The following SMG1 variants were observed in gnomAD, a reference collection of about 807,000 sequenced individuals.
The protein encoded by SMG1 is SMG1 nonsense mediated mRNA decay associated PI3K related kinase.
In SMG1, 22 loss-of-function variants were observed where a neutral mutation model predicts 419.9. The observed-to-expected ratio is 0.05, with a 90% CI of 0.04 to 0.07. The LOEUF (loss-of-function observed/expected upper bound fraction) is 0.07, where lower values mean the gene tolerates loss of function less well. SMG1 is among the 10% of genes least tolerant of loss of function. The probability of loss-of-function intolerance (pLI) is 1.00; values close to 1 mark genes in which losing one functional copy is unlikely to be tolerated. For missense variants in SMG1, 3,185 were observed against 4,342.0 expected, an observed-to-expected ratio of 0.73 and a Z score of 7.49; for synonymous variants, 1,538 against 1,553.5, an observed-to-expected ratio of 0.99 and a Z score of 0.23.
At chr16:18,921,008 T>G (rs576195548) in intron 1 of SMG1, among the ~76,000 whole-genome samples, 1 of 151,974 alleles carries the variant, frequency 6.6e-6, no homozygotes, top group African/African-American at 2.4e-5. Context: ...CATAGTGGCA[T>G]GTACCTGTAT....
At chr16:18,903,427 CG>C (rs1400589321) in intron 1 of SMG1, among the ~76,000 whole-genome samples, 3 of 152,152 alleles carry the variant, frequency 2.0e-5, no homozygotes, top group Non-Finnish European at 2.9e-5. Flanking sequence ...TTTCCCTCAC[CG>C]GGTTTCTTTC....
rs2038408649 is a variant in SMG1, at chr16:18,926,296, G to A, written c.-255C>T. The A allele has an allele frequency of 2.0e-6, 1 of 504,144 alleles. No homozygotes were observed. The highest frequency in any genetic ancestry group is 3.5e-6 in the Non-Finnish European group (1 of 288,122). The allele number at this position is 504,144 out of a possible 1,614,324, so 31.2% of individuals were successfully genotyped here. On this transcript the variant is annotated 5_prime_UTR_variant, in exon 1 of 63. Coordinates refer to ENST00000446231, the MANE Select transcript of SMG1 (RefSeq NM_015092.5). The stretch of plus-strand genomic sequence containing the variant: ...CGCGGTGAGAGAGAGGCGGATGAAG[G>A]GGAGGCGACGTCTTTTCCAGGGCCG...
Position 18,853,937 on chromosome 16 carries a change from G to C in SMG1, c.4484-70C>G, listed in dbSNP as rs1365338027. The stretch of plus-strand genomic sequence containing the variant: ...ATGATGGAGGGAGGCACTTGGATTA[G>C]GAAACAAATATCAACATGGTGATGA... On this transcript the variant is annotated intron_variant, in intron 30 of 62. Transcript: ENST00000446231. 5.8e-6 allele frequency: 8 copies of C among 1,389,704 alleles called. No individual in the cohort carries two copies. In the East Asian group the frequency reaches 7.2e-5, roughly 13 times the overall value. 86.1% of individuals were successfully genotyped at this position (1,389,704 alleles called of 1,614,324 possible).
intron 9 of SMG1, among the ~76,000 whole-genome samples, chr16:18,882,752 T>C (rs1161760626): frequency 6.6e-6 from 1 of 152,174 alleles, no homozygotes; most frequent in Non-Finnish European, 1.5e-5. Flanking sequence ...ACCAAGAGCA[T>C]GCACATGAAG....
chr16:18,868,987 T>G (rs1000438192), intron 20 of SMG1, 117 bp downstream of exon 20: 8 of 883,752 alleles, frequency 9.1e-6, no homozygotes, highest in Non-Finnish European at 1.4e-5. Flanking sequence ...TACCTGAAAA[T>G]TATTGACTTT....
intron 1 of SMG1, among the ~76,000 whole-genome samples, chr16:18,922,206 A>T (rs1490628651): frequency 6.6e-6 from 1 of 152,240 alleles, no homozygotes; most frequent in Admixed American, 6.5e-5. Context: ...GTCTTGATTG[A>T]TACTAGAAGA....
chr16:18,870,003 A>G lies in SMG1; in HGVS notation c.2493-9T>C. On this transcript the variant is annotated splice_polypyrimidine_tract_variant and intron_variant, in intron 18 of 62. Coordinates refer to ENST00000446231, the MANE Select transcript of SMG1 (RefSeq NM_015092.5). ...CTGTGTGATTGTTATTGCTGTAGAC[A>G]GAAAATAAAGTTGTTATGCAAAATA... 6.6e-7 allele frequency: 1 copy of G among 1,524,392 alleles called. No individual in the cohort carries two copies. The highest frequency in any genetic ancestry group is 1.4e-5 in the African/African-American group (1 of 72,470). 94.4% of individuals were successfully genotyped at this position (1,524,392 alleles called of 1,614,324 possible).
intron 54 of SMG1, 28 bp from the exon 55 acceptor site, chr16:18,828,196 A>C: frequency 1.2e-6 from 2 of 1,607,436 alleles, no homozygotes; most frequent in Non-Finnish European, 1.7e-6. Flanking sequence ...AATGTATTAA[A>C]ATCAGCAGGA....
At chr16:18,864,486 C>A (rs1567389077) in intron 23 of SMG1, among the ~76,000 whole-genome samples, 2 of 152,084 alleles carry the variant, frequency 1.3e-5, no homozygotes, top group African/African-American at 4.8e-5. Flanking sequence ...GCATGAGCCA[C>A]CGCGCCTGGC....
chr16:18,829,548 C>A lies in SMG1; in HGVS notation c.9341G>T (p.Gly3114Val). The A allele has an allele frequency of 1.2e-6, 2 of 1,614,022 alleles. No homozygotes were observed. The highest frequency in any genetic ancestry group is 1.7e-6 in the Non-Finnish European group (2 of 1,179,892). ...CTCTACTTGAGCAATGATGTCTACA[C>A]CCAGAGCACTGATAAAACTGCACAG... Reference protein sequence around the residue: ...LTLCSFISALGVDIIAQVEAK... With the variant: ...LTLCSFISALVVDIIAQVEAK... The change falls in exon 54 of 63, where the codon GGT becomes GTT. Residue 3114 changes from glycine to valine, a missense_variant. Gly to Val is a moderately radical substitution (Grantham distance 109). This residue lies in a region of SMG1 where 737 missense variants were observed against 846.6 expected (regional missense o/e 0.87). Coordinates refer to ENST00000446231, the MANE Select transcript of SMG1 (RefSeq NM_015092.5).
chr16:18,896,295 T>C lies in SMG1; in HGVS notation c.257-88A>G, dbSNP rs2037124240. On this transcript the variant is annotated intron_variant, in intron 2 of 62. Transcript: ENST00000446231. ...GATAGCTCAGGATCTTATTACTCAATCTGCAGCTCAACCAGCCTTTGCTTC... is the reference window on the plus strand; with the variant it reads ...GATAGCTCAGGATCTTATTACTCAACCTGCAGCTCAACCAGCCTTTGCTTC... 4.8e-6 allele frequency: 6 copies of C among 1,256,792 alleles called. No individual in the cohort carries two copies. The Admixed American group carries it at 6.9e-5, about 14-fold the overall frequency. 77.9% of individuals were successfully genotyped at this position (1,256,792 alleles called of 1,614,324 possible).
chr16:18,904,415 A>G (rs1221092938), intron 1 of SMG1, among the ~76,000 whole-genome samples: 7 of 151,642 alleles, frequency 4.6e-5, no homozygotes, highest in Non-Finnish European at 1.0e-4. Flanking sequence ...CAGGCAGATC[A>G]TAAGGTCAGG....
At chr16:18,830,422 TGGGAAC>T in intron 51 of SMG1, 53 bp from the exon 52 acceptor site, 2 of 1,582,746 alleles carry the variant, frequency 1.3e-6, no homozygotes, top group Non-Finnish European at 1.7e-6. Context: ...ATGCCTTTGG[TGGGAAC>T]ATACAAAGTC....
rs1187327138 is a variant in SMG1 at position 18,866,675 on chromosome 16, A to C, written c.3296T>G (p.Ile1099Ser). ...IQGIAVWSSS[I>S]VGKNLLWINS... ...AATCCACAGAAGATTTTTTCCAACAATAGATGATGACCAGACAGCAATTCC... is the reference window on the plus strand; with the variant it reads ...AATCCACAGAAGATTTTTTCCAACACTAGATGATGACCAGACAGCAATTCC... The change falls in exon 23 of 63, where the codon ATT becomes AGT. Residue 1099 changes from isoleucine (I) to serine (S), a missense_variant. Coordinates refer to ENST00000446231, the MANE Select transcript of SMG1 (RefSeq NM_015092.5). 3 of 1,595,068 alleles carry C rather than the reference A, an allele frequency of 1.9e-6. No individual in the cohort carries two copies. The South Asian group carries it at 3.3e-5, about 18-fold the overall frequency.
chr16:18,811,920 T>C, intron 61 of SMG1, 28 bp downstream of exon 61: 1 of 1,612,686 alleles, frequency 6.2e-7, no homozygotes, highest in Non-Finnish European at 8.5e-7. Context: ...ATATAAAAAT[T>C]TAAGGCATCT....
chr16:18,819,733 A>T (rs1382254703), intron 55 of SMG1, 79 bp from the exon 56 acceptor site: 2 of 1,357,180 alleles, frequency 1.5e-6, no homozygotes, highest in African/African-American at 3.0e-5. Flanking sequence ...ATATAACACA[A>T]TAAAGATTCA....
rs1198898301 is a variant in SMG1, at chr16:18,834,821, A to G, written c.8330+71T>C. 9 of 1,506,080 alleles carry G rather than the reference A, an allele frequency of 6.0e-6. No homozygotes were observed. In the Admixed American group the frequency reaches 1.7e-4, roughly 28 times the overall value. The allele number at this position is 1,506,080 out of a possible 1,614,324, so 93.3% of individuals were successfully genotyped here. A position where few individuals can be genotyped will look rare whatever the true frequency, so the allele number is the denominator to read the frequency against. On this transcript the variant is annotated intron_variant, in intron 49 of 62. Transcript: ENST00000446231. ...ACACTTGGCAAGACTAAGGAAAGTA[A>G]AAGAACATTTTAGGTTTGGGATTAA...
chr16:18,816,903 T>C (rs2032049474), intron 57 of SMG1, among the ~76,000 whole-genome samples: 1 of 152,164 alleles, frequency 6.6e-6, no homozygotes. Context: ...AACGTCAAAC[T>C]TACCAACTTG....
Position 18,839,887 on chromosome 16 carries a change from A to C in SMG1, c.6756T>G (p.Leu2252=), listed in dbSNP as rs2033813697. Residue 2252 remains leucine (L), a synonymous_variant, in exon 42 of 63, where the codon CTT becomes CTG. Transcript: ENST00000446231. The part of the protein sequence containing the change: ...NPGIVPRPSE[L]YYSKIGPALK... ...AAGCAGGGCCAATTTTACTGTAATA[A>C]AGTTCACTAGGACGGGGTACAATTC... is the stretch of plus-strand genomic sequence containing the variant. 6.2e-7 allele frequency: 1 copy of C among 1,611,314 alleles called. No individual in the cohort carries two copies. The highest frequency in any genetic ancestry group is 1.3e-5 in the African/African-American group (1 of 74,916).
Sources: gnomAD v4.1 joint callset for allele counts (sites outside exome capture counted in the v4.1 genomes callset) on GRCh38, gnomAD v4.1.1 for gene constraint, gnomAD v4.1.1 regional missense constraint, MANE v1.5 for transcripts, NCBI Gene and HGNC (gene_info 2026-07-23, HGNC 2026-07-21) for gene names.